CLCA4: variants seen among roughly 807,000 people sequenced by gnomAD.
CLCA4 encodes the protein calcium-activated chloride channel regulator 4.
In CLCA4, 69 loss-of-function variants were observed where a neutral mutation model predicts 78.9. The observed-to-expected ratio is 0.87, with a 90% CI of 0.72 to 1.07. The LOEUF is 1.07. Among genes scored for constraint, CLCA4 ranks in the 50% least tolerant of loss-of-function variants. CLCA4 has a pLI of 0.00. For synonymous variants in CLCA4, 362 were observed against 375.8 expected, an observed-to-expected ratio of 0.96 and a Z score of 0.42; for missense variants, 1,133 against 1,095.8, an observed-to-expected ratio of 1.03 and a Z score of -0.48.
At chr1:86,550,933 G>T (rs979642467) in intron 1 of CLCA4, among the ~76,000 whole-genome samples, 2 of 149,212 alleles carry the variant, frequency 1.3e-5, no homozygotes, top group African/African-American at 2.5e-5. Context: ...CCACGTTCAC[G>T]CCATTCTCCT....
chr1:86,547,207 G>A lies in CLCA4; in HGVS notation c.88G>A (p.Gly30Ser). Residue 30 changes from glycine (G) to serine (S), a missense_variant, in exon 1 of 14, where the codon GGC becomes AGC. Transcript: ENST00000370563. Reference protein sequence around the residue: ...NTSFIKLNNNGFEDIVIVIDP... With the variant: ...NTSFIKLNNNSFEDIVIVIDP... ...TTCCTTCATTAAGCTGAATAATAAT[G>A]GCTTTGAAGATATTGTCATTGTTAT... 1 of 1,611,638 alleles carries A rather than the reference G, an allele frequency of 6.2e-7. No individual in the cohort carries two copies. Among genetic ancestry groups the A allele is most frequent in the Non-Finnish European group, 8.5e-7 (1 of 1,179,078 alleles).
intron 3 of CLCA4, among the ~76,000 whole-genome samples, chr1:86,561,931 T>C (rs1167315519): frequency 6.6e-6 from 1 of 152,206 alleles, no homozygotes; most frequent in African/African-American, 2.4e-5. Flanking sequence ...GTAAGGTTTT[T>C]GGATAAATAA....
rs1156746662 is a variant in CLCA4 at position 86,577,895 on chromosome 1, T to C, written c.1952-7T>C. On this transcript the variant is annotated splice_region_variant and splice_polypyrimidine_tract_variant and intron_variant, in intron 11 of 13. Transcript: ENST00000370563. ...ACAAGACTTTATTCCTTCATTTCTA[T>C]AACAAGGCGCTGATTCTTTCAAGAA... 2 of 1,604,820 alleles carry C rather than the reference T, an allele frequency of 1.2e-6. No individual in the cohort carries two copies. The highest frequency in any genetic ancestry group is 4.5e-5 in the East Asian group (2 of 44,762).
chr1:86,560,279 A>T lies in CLCA4; in HGVS notation c.369A>T (p.Glu123Asp), dbSNP rs1409738798. The change falls in exon 3 of 14, where the codon GAA becomes GAT. Residue 123 changes from glutamate to aspartate, a missense_variant. Glu to Asp is a conservative substitution (Grantham distance 45). Transcript: ENST00000370563. ...AACCATACACCAAGCAGTTCACAGA[A>T]TGTGGAGAGAAAGGCGAATACATTC... ...RDEPYTKQFT[E>D]CGEKGEYIHF... 2 of 1,614,108 alleles carry T rather than the reference A, an allele frequency of 1.2e-6. No homozygotes were observed. Among genetic ancestry groups the T allele is most frequent in the Admixed American group, 3.3e-5 (2 of 60,024 alleles).
At chr1:86,578,220 C>G in intron 12 of CLCA4, 148 bp downstream of exon 12, 2 of 758,256 alleles carry the variant, frequency 2.6e-6, no homozygotes, top group East Asian at 2.9e-5. Flanking sequence ...TAGGATTTGC[C>G]TCTAAATTAA....
chr1:86,560,677 T>A (rs1649990531), intron 3 of CLCA4, among the ~76,000 whole-genome samples: 1 of 152,226 alleles, frequency 6.6e-6, no homozygotes, highest in African/African-American at 2.4e-5. Flanking sequence ...AAGGCATGCT[T>A]TTTAAATTTT....
intron 3 of CLCA4, among the ~76,000 whole-genome samples, chr1:86,563,140 A>AT (rs1650074029): frequency 6.6e-6 from 1 of 151,758 alleles, no homozygotes; most frequent in African/African-American, 2.4e-5. Flanking sequence ...TATTAAAAAA[A>AT]TTTTTTATTT....
rs978727930 is a variant in CLCA4, at chr1:86,577,968, G to A, written c.2018G>A (p.Arg673Lys). ...TTTACAGCATATACAGAAAATGGCA[G>A]ATATAGCTTAAAAGTTCGGGCTCAT... ...RYFTAYTENGRYSLKVRAHGG... is the reference protein window; with the variant it reads ...RYFTAYTENGKYSLKVRAHGG... The change falls in exon 12 of 14, where the codon AGA becomes AAA. Residue 673 changes from arginine to lysine, a missense_variant. Transcript: ENST00000370563. The A allele has an allele frequency of 6.2e-6, 10 of 1,612,780 alleles. No homozygotes were observed. The Admixed American group carries it at 8.4e-5, about 13-fold the overall frequency.
intron 1 of CLCA4, chr1:86,553,256 C>T (rs1292367316): frequency 8.8e-6 from 8 of 904,380 alleles, no homozygotes; most frequent in African/African-American, 5.0e-5. Context: ...GCAAGCTGTA[C>T]GAGGACACGG....
chr1:86,565,768 A>G (rs779532185), intron 5 of CLCA4, 34 bp from the exon 6 acceptor site: 1 of 1,271,938 alleles, frequency 7.9e-7, no homozygotes, highest in Non-Finnish European at 1.1e-6. Context: ...TGCATGGTAT[A>G]TTAAAATTAT....
rs375657461 is a variant in CLCA4 at position 86,567,275 on chromosome 1, AT to A, written c.955-147del. The A allele has an allele frequency of 1.1e-3, 757 of 698,724 alleles. 19 individuals carry two copies. In the South Asian group the frequency reaches 0.014, roughly 13 times the overall value. 43.3% of individuals were successfully genotyped at this position (698,724 alleles called of 1,614,324 possible). On this transcript the variant is annotated intron_variant, in intron 6 of 13. Transcript: ENST00000370563. ...CACCACCATTTTTTTAATGTTATCAATTAAAAATTTGATAATTGCTTCCTTT... is the reference window on the plus strand; with the variant it reads ...CACCACCATTTTTTTAATGTTATCAATAAAAATTTGATAATTGCTTCCTTT...
intron 1 of CLCA4, among the ~76,000 whole-genome samples, chr1:86,556,970 G>C (rs1340666023): frequency 6.6e-6 from 1 of 152,102 alleles, no homozygotes. Flanking sequence ...AGGTTTTCTA[G>C]TTTGTGTCTT....
At chr1:86,563,089 C>A (rs1200141959) in intron 3 of CLCA4, among the ~76,000 whole-genome samples, 1 of 151,850 alleles carries the variant, frequency 6.6e-6, no homozygotes, top group African/African-American at 2.4e-5. Flanking sequence ...GCATCTCAAG[C>A]TGTGGATTTA....
At chr1:86,574,293 A>G (rs969810777) in intron 9 of CLCA4, among the ~76,000 whole-genome samples, 4 of 152,156 alleles carry the variant, frequency 2.6e-5, no homozygotes, top group African/African-American at 9.6e-5. Flanking sequence ...CGGGAAAAAA[A>G]CAGTAAGGTC....
chr1:86,569,969 C>G (rs192329146), intron 7 of CLCA4, among the ~76,000 whole-genome samples: 1 of 151,894 alleles, frequency 6.6e-6, no homozygotes, highest in Non-Finnish European at 1.5e-5. Flanking sequence ...TACTTAAATG[C>G]GTGGGAGAAG....
At chr1:86,571,365 A>G (rs970512740) in intron 8 of CLCA4, 111 bp downstream of exon 8, 13 of 1,017,764 alleles carry the variant, frequency 1.3e-5, no homozygotes, top group South Asian at 1.9e-5. Flanking sequence ...GAAGCTGGGG[A>G]CCAGACCCAA....
At chr1:86,559,570 G>A (rs1009887824) in intron 1 of CLCA4, among the ~76,000 whole-genome samples, 2 of 152,124 alleles carry the variant, frequency 1.3e-5, no homozygotes, top group Admixed American at 1.3e-4. Flanking sequence ...CTGAGATTCG[G>A]AGCATTGCAT....
rs577828048 is a variant in CLCA4 at position 86,561,391 on chromosome 1, G to A, written c.448+1033G>A. Among the ~76,000 whole-genome samples, 55 of 152,166 alleles carry A rather than the reference G, an allele frequency of 3.6e-4. 2 individuals are homozygous for A. Among genetic ancestry groups the A allele is most frequent in the Admixed American group, 3.1e-3 (48 of 15,282 alleles). On this transcript the variant is annotated intron_variant, in intron 3 of 13. Transcript: ENST00000370563. The stretch of plus-strand genomic sequence containing the variant: ...ATTTACTAAATCTTCTGAATTTTCC[G>A]TCTTCTTTATTCTTGGCTCCTGTTA...
At chr1:86,576,206 C>A (rs1650515179) in intron 11 of CLCA4, among the ~76,000 whole-genome samples, 1 of 152,002 alleles carries the variant, frequency 6.6e-6, no homozygotes. Context: ...GTCGCACAGG[C>A]TGGATGGAGT....
Sources: allele counts gnomAD v4.1 joint callset (sites outside exome capture counted in the v4.1 genomes callset), GRCh38; gene constraint gnomAD v4.1.1; transcripts MANE v1.5; gene names NCBI Gene and HGNC (gene_info 2026-07-23, HGNC 2026-07-21).